The following SAMD12 variants were observed in gnomAD, a reference collection of about 807,000 sequenced individuals.
SAMD12 encodes sterile alpha motif domain-containing protein 12.
A neutral mutation model predicts 15.0 loss-of-function variants in SAMD12; 9 were observed. The observed-to-expected ratio is 0.60, with a 90% CI of 0.36 to 1.05. The LOEUF (loss-of-function observed/expected upper bound fraction) is 1.05, where lower values mean the gene tolerates loss of function less well. Among genes scored for constraint, SAMD12 ranks in the 50% least tolerant of loss-of-function variants. The pLI is 0.01. For missense variants in SAMD12, 230 were observed against 234.2 expected (o/e 0.98, Z 0.12); for synonymous variants, 86 against 90.1 (o/e 0.96, Z 0.25).
chr8:118,443,516 C>T (rs1586721653), intron 2 of SAMD12, among the ~76,000 whole-genome samples: 1 of 152,002 alleles, frequency 6.6e-6, no homozygotes, highest in East Asian at 1.9e-4. Flanking sequence ...TACAAAAATG[C>T]CTCCATGTAA....
chr8:118,440,059 T>C, intron 2 of SAMD12, 98 bp from the exon 3 acceptor site: 2 of 1,183,226 alleles, frequency 1.7e-6, no homozygotes, highest in Non-Finnish European at 2.4e-6. Context: ...ACAGACTGGA[T>C]TCCCTGAAGA....
At chr8:118,548,529 AC>A (rs1826205330) in intron 2 of SAMD12, among the ~76,000 whole-genome samples, 1 of 152,124 alleles carries the variant, frequency 6.6e-6, no homozygotes, top group African/African-American at 2.4e-5. Flanking sequence ...GTTAACATCT[AC>A]AACTGGAGGG....
At chr8:118,348,025 A>G (rs1051363814) in intron 4 of SAMD12, among the ~76,000 whole-genome samples, 1 of 152,206 alleles carries the variant, frequency 6.6e-6, no homozygotes, top group African/African-American at 2.4e-5. Flanking sequence ...CTGTAAAACA[A>G]GAACAGTGCT....
intron 4 of SAMD12, among the ~76,000 whole-genome samples, chr8:118,201,727 T>C (rs1000114996): frequency 6.6e-6 from 1 of 152,250 alleles, no homozygotes; most frequent in Non-Finnish European, 1.5e-5. Flanking sequence ...CTCTGGTTTC[T>C]TTCTCTGCTT....
At chr8:118,165,416 G>A in the SAMD12 span, among the ~76,000 whole-genome samples, 1 of 151,728 alleles carries the variant, frequency 6.6e-6, no homozygotes. Context: ...AGCAAACTGG[G>A]AGCTAATTTT....
At chr8:118,486,451 G>T (rs1227049968) in intron 2 of SAMD12, among the ~76,000 whole-genome samples, 1 of 151,872 alleles carries the variant, frequency 6.6e-6, no homozygotes, top group Non-Finnish European at 1.5e-5. Flanking sequence ...CAAAAGATGG[G>T]GTTAGAGAGC....
At chr8:118,285,134 T>C in intron 4 of SAMD12, among the ~76,000 whole-genome samples, 1 of 151,902 alleles carries the variant, frequency 6.6e-6, no homozygotes, top group Non-Finnish European at 1.5e-5. Context: ...CTTGGCCACG[T>C]TTTCTTTCTT....
chr8:118,165,979 T>C, the SAMD12 span, among the ~76,000 whole-genome samples: 29 of 152,256 alleles, frequency 1.9e-4, no homozygotes, highest in African/African-American at 7.0e-4. Flanking sequence ...CTCGACTTCA[T>C]CTGATTTCAG....
intron 2 of SAMD12, among the ~76,000 whole-genome samples, chr8:118,456,091 T>A (rs1823242193): frequency 6.6e-6 from 1 of 152,176 alleles, no homozygotes; most frequent in African/African-American, 2.4e-5. Context: ...AAATCCAAAC[T>A]CCAAGCCTGC....
At chr8:118,422,881 G>T (rs991306922) in intron 3 of SAMD12, among the ~76,000 whole-genome samples, 7 of 152,166 alleles carry the variant, frequency 4.6e-5, no homozygotes, top group African/African-American at 1.7e-4. Context: ...CAGATGAAAA[G>T]AACTGTGGTG....
rs1047595392 is a variant in SAMD12, at chr8:118,434,966, A to C, written c.322+4866T>G. ...AAAATACAAAAAATTAGCCGGGCGT[A>C]GTGGCGGGCGCCTGTAGTCCCAGCT... is the stretch of plus-strand genomic sequence containing the variant. On this transcript the variant is annotated intron_variant, in intron 3 of 3. Coordinates refer to ENST00000314727, the MANE Select transcript of SAMD12 (RefSeq NM_207506.3). Among the ~76,000 whole-genome samples the C allele has an allele frequency of 2.4e-5, 2 of 82,686 alleles. 1 individual carries two copies. The highest frequency in any genetic ancestry group is 5.6e-4 in the East Asian group (2 of 3,558). 54.2% of individuals were successfully genotyped at this position (82,686 alleles called of 152,430 possible). A position where few individuals can be genotyped will look rare whatever the true frequency, so the allele number is the denominator to read the frequency against.
At chr8:118,246,203 G>C (rs1281403951) in intron 4 of SAMD12, among the ~76,000 whole-genome samples, 1 of 152,096 alleles carries the variant, frequency 6.6e-6, no homozygotes, top group Admixed American at 6.6e-5. Context: ...CAAAGTATCT[G>C]TTATTCTTTT....
At chr8:118,588,710 A>G (rs868647107) in intron 1 of SAMD12, among the ~76,000 whole-genome samples, 4 of 152,310 alleles carry the variant, frequency 2.6e-5, no homozygotes, top group South Asian at 2.1e-4. Flanking sequence ...GAGTATAACC[A>G]TAACCTGAAG....
At chr8:118,185,156 A>G (rs1233516655), downstream of SAMD12, among the ~76,000 whole-genome samples, 6 of 152,162 alleles carry the variant, frequency 3.9e-5, no homozygotes, top group African/African-American at 1.4e-4. Context: ...CATACCCTTT[A>G]GAATTAAGAA....
intron 2 of SAMD12, among the ~76,000 whole-genome samples, chr8:118,577,830 C>G (rs765923662): frequency 1.3e-5 from 2 of 152,062 alleles, no homozygotes; most frequent in Non-Finnish European, 2.9e-5. Flanking sequence ...AATTAGAAGC[C>G]ATGTGAGGAA....
At chr8:118,500,172 G>A (rs773184450) in intron 2 of SAMD12, among the ~76,000 whole-genome samples, 11 of 138,280 alleles carry the variant, frequency 8.0e-5, no homozygotes, top group African/African-American at 1.4e-4. Context: ...TCTGCCTCCC[G>A]GGTTCAAGTG....
At chr8:118,150,494 C>T in the SAMD12 span, among the ~76,000 whole-genome samples, 5 of 152,106 alleles carry the variant, frequency 3.3e-5, no homozygotes, top group African/African-American at 4.8e-5. Flanking sequence ...GATCCTCTCA[C>T]CTCGGCCTCC....
intron 2 of SAMD12, among the ~76,000 whole-genome samples, chr8:118,531,866 A>T (rs201432470): frequency 7.9e-5 from 12 of 152,176 alleles, no homozygotes; most frequent in Admixed American, 3.3e-4. Flanking sequence ...AATCATGTCA[A>T]CTGCAAACAG....
chr8:118,410,427 T>C (rs924658096), intron 3 of SAMD12, among the ~76,000 whole-genome samples: 3 of 152,216 alleles, frequency 2.0e-5, no homozygotes, highest in South Asian at 4.1e-4. Flanking sequence ...CTTTGACATT[T>C]CTCTCATCAA....
Sources: allele counts gnomAD v4.1 joint callset (sites outside exome capture counted in the v4.1 genomes callset), GRCh38; gene constraint gnomAD v4.1.1; transcripts MANE v1.5; gene names NCBI Gene and HGNC (gene_info 2026-07-23, HGNC 2026-07-21).